Variants in CADM2 observed in about 807,000 individuals in gnomAD.
CADM2 encodes the protein cell adhesion molecule 2.
CADM2 carries 12 observed loss-of-function variants against 49.8 expected under a neutral mutation model. The observed-to-expected ratio is 0.24, with a 90% CI of 0.15 to 0.39. The LOEUF is 0.39. Among genes scored for constraint, CADM2 ranks in the 10% least tolerant of loss-of-function variants. CADM2 has a pLI of 1.00. For missense variants in CADM2, 378 were observed against 492.3 expected, an observed-to-expected ratio of 0.77 and a Z score of 2.20; for synonymous variants, 214 against 175.4, an observed-to-expected ratio of 1.22 and a Z score of -1.74.
chr3:85,885,313 G>A (rs534375090), intron 4 of CADM2, among the ~76,000 whole-genome samples: 1 of 150,988 alleles, frequency 6.6e-6, no homozygotes, highest in Non-Finnish European at 1.5e-5. Context: ...GAGGTAGGTG[G>A]ATCACTTGAG....
At chr3:85,276,420 T>A (rs2043358617) in intron 1 of CADM2, among the ~76,000 whole-genome samples, 1 of 151,386 alleles carries the variant, frequency 6.6e-6, no homozygotes, top group Non-Finnish European at 1.5e-5. Flanking sequence ...TTATATTACA[T>A]CCTTGCTATT....
intron 1 of CADM2, among the ~76,000 whole-genome samples, chr3:85,286,968 A>G (rs2043648219): frequency 6.6e-6 from 1 of 152,148 alleles, no homozygotes. Context: ...CAAAGGACCT[A>G]TCCATATTAT....
At chr3:85,258,949 GC>G (rs2042951307) in intron 1 of CADM2, among the ~76,000 whole-genome samples, 1 of 152,116 alleles carries the variant, frequency 6.6e-6, no homozygotes, top group African/African-American at 2.4e-5. Context: ...GGAACTGCCT[GC>G]CCCTGTCAAA....
intron 8 of CADM2, among the ~76,000 whole-genome samples, chr3:85,962,000 G>T (rs755912971): frequency 1.5e-4 from 23 of 151,868 alleles, no homozygotes; most frequent in Non-Finnish European, 2.8e-4. Flanking sequence ...GCAGTGGCAT[G>T]ATCTCAGCTC....
At chr3:85,853,910 T>C (rs925511030) in intron 3 of CADM2, among the ~76,000 whole-genome samples, 1 of 152,166 alleles carries the variant, frequency 6.6e-6, no homozygotes, top group Non-Finnish European at 1.5e-5. Flanking sequence ...CTACTTCTTA[T>C]ATTTAGTAGA....
At chr3:85,505,613 A>G (rs2040314715) in intron 1 of CADM2, among the ~76,000 whole-genome samples, 2 of 152,340 alleles carry the variant, frequency 1.3e-5, no homozygotes, top group South Asian at 2.1e-4. Flanking sequence ...CAGTTAGGGT[A>G]TGCAACTAAG....
At chr3:85,815,459 G>A (rs2073152369) in intron 3 of CADM2, among the ~76,000 whole-genome samples, 1 of 152,072 alleles carries the variant, frequency 6.6e-6, no homozygotes, top group Non-Finnish European at 1.5e-5. Flanking sequence ...ATCACTAAAT[G>A]TAATCCAACT....
At chr3:85,512,823 G>C (rs936920340) in intron 1 of CADM2, among the ~76,000 whole-genome samples, 38 of 151,982 alleles carry the variant, frequency 2.5e-4, no homozygotes, top group African/African-American at 8.7e-4. Flanking sequence ...CTGAAGATTA[G>C]TTAAAAACAT....
At chr3:85,166,079 T>A (rs949515602) in intron 1 of CADM2, among the ~76,000 whole-genome samples, 1 of 151,770 alleles carries the variant, frequency 6.6e-6, no homozygotes, top group African/African-American at 2.4e-5. Flanking sequence ...AAATACAGGC[T>A]CAAGATCATA....
At position 85,946,401 on chromosome 3, in the gene CADM2, A is replaced by C. The variant is rs944172685; in HGVS notation, c.791+10544A>C. ...TGCCATCCCCATCAAGCTACCAATG[A>C]CTTTCTTCACAGAATTGGAAAAAAC... On this transcript the variant is annotated intron_variant, in intron 7 of 9. Transcript: ENST00000383699. Among the ~76,000 whole-genome samples, 11 of 152,040 alleles carry C rather than the reference A, an allele frequency of 7.2e-5. No homozygotes were observed. The South Asian group carries it at 8.3e-4, about 11-fold the overall frequency.
chr3:85,159,893 C>A (rs533332159), intron 1 of CADM2, among the ~76,000 whole-genome samples: 4 of 152,214 alleles, frequency 2.6e-5, no homozygotes, highest in East Asian at 3.9e-4. Context: ...AAAAGTTTTA[C>A]CCATTAATAA....
chr3:85,181,601 T>C (rs1321701593), intron 1 of CADM2, among the ~76,000 whole-genome samples: 1 of 152,010 alleles, frequency 6.6e-6, no homozygotes, highest in Admixed American at 6.6e-5. Flanking sequence ...GAAGTTTCTC[T>C]AAAAATAAGG....
chr3:85,784,154 A>G (rs1251723373), intron 2 of CADM2, among the ~76,000 whole-genome samples: 1 of 152,216 alleles, frequency 6.6e-6, no homozygotes, highest in African/African-American at 2.4e-5. Flanking sequence ...CTTGCTCCCA[A>G]TAACCAGAAC....
intron 1 of CADM2, among the ~76,000 whole-genome samples, chr3:85,376,949 A>T (rs2033626196): frequency 6.6e-6 from 1 of 152,114 alleles, no homozygotes; most frequent in Non-Finnish European, 1.5e-5. Context: ...AAATTCCTTT[A>T]AGCAAATAAG....
At chr3:85,993,279 A>G (rs1729005948) in intron 8 of CADM2, 1 of 152,208 alleles carries the variant, frequency 6.6e-6, no homozygotes, top group African/African-American at 2.4e-5. Flanking sequence ...TATTTGCTCC[A>G]CCATAAGAAT....
chr3:85,343,750 C>G (rs2030216597), intron 1 of CADM2, among the ~76,000 whole-genome samples: 1 of 152,194 alleles, frequency 6.6e-6, no homozygotes, highest in South Asian at 2.1e-4. Flanking sequence ...ATGCTTGAGC[C>G]ACAGGGGAAA....
chr3:85,638,249 C>T (rs532334211), intron 1 of CADM2, among the ~76,000 whole-genome samples: 2 of 152,184 alleles, frequency 1.3e-5, no homozygotes, highest in South Asian at 4.1e-4. Flanking sequence ...ATATGAAATG[C>T]ATGAATTTCA....
At chr3:85,327,699 T>C (rs2044793560) in intron 1 of CADM2, among the ~76,000 whole-genome samples, 1 of 152,138 alleles carries the variant, frequency 6.6e-6, no homozygotes. Flanking sequence ...AGGTATTTTA[T>C]TTCATTATAA....
chr3:85,567,438 AC>A (rs1559914869), intron 1 of CADM2, among the ~76,000 whole-genome samples: 2 of 152,220 alleles, frequency 1.3e-5, no homozygotes, highest in African/African-American at 4.8e-5. Flanking sequence ...GTAATAGAGC[AC>A]AGGCAATAAA....
Sources: gnomAD v4.1 joint callset for allele counts (sites outside exome capture counted in the v4.1 genomes callset) on GRCh38, gnomAD v4.1.1 for gene constraint, MANE v1.5 for transcripts, NCBI Gene and HGNC (gene_info 2026-07-23, HGNC 2026-07-21) for gene names.